Variants in RALYL observed in about 807,000 individuals in gnomAD.
The protein encoded by RALYL is RNA-binding Raly-like protein.
RALYL carries 29 observed loss-of-function variants against 35.1 expected under a neutral mutation model. The ratio of observed to expected loss-of-function variants is 0.83; its 90% CI spans 0.61 to 1.13. The LOEUF (loss-of-function observed/expected upper bound fraction) is 1.13, where lower values mean the gene tolerates loss of function less well. Ranked by LOEUF, RALYL falls within the 50% of genes most tolerant of loss-of-function variation. RALYL has a pLI of 0.00. For synonymous variants in RALYL, 120 were observed against 127.6 expected, an observed-to-expected ratio of 0.94 and a Z score of 0.40; for missense variants, 359 against 360.4, an observed-to-expected ratio of 1.00 and a Z score of 0.03.
intron 1 of RALYL, among the ~76,000 whole-genome samples, chr8:84,487,735 C>T (rs1218474797): frequency 6.6e-6 from 1 of 152,040 alleles, no homozygotes; most frequent in Non-Finnish European, 1.5e-5. Flanking sequence ...ACTATCTGTC[C>T]TCTTATAGAA....
chr8:84,251,026 G>T (rs905504802), intron 1 of RALYL, among the ~76,000 whole-genome samples: 1 of 152,090 alleles, frequency 6.6e-6, no homozygotes, highest in African/African-American at 2.4e-5. Flanking sequence ...AATTCGAAAA[G>T]GAGTAATGGT....
chr8:84,642,172 G>A (rs1334593327), intron 2 of RALYL, among the ~76,000 whole-genome samples: 1 of 151,782 alleles, frequency 6.6e-6, no homozygotes, highest in Non-Finnish European at 1.5e-5. Flanking sequence ...CTTTTACCTT[G>A]GAACTCTAGC....
intron 1 of RALYL, among the ~76,000 whole-genome samples, chr8:84,354,884 G>A (rs902328765): frequency 6.7e-6 from 1 of 150,220 alleles, no homozygotes; most frequent in Admixed American, 6.6e-5. Context: ...TCACAAAATA[G>A]CTCTACCTGG....
chr8:84,708,960 T>G (rs1841689215), intron 2 of RALYL, among the ~76,000 whole-genome samples: 1 of 152,126 alleles, frequency 6.6e-6, no homozygotes, highest in Admixed American at 6.6e-5. Context: ...ATATGTAACA[T>G]TTCATCTTAT....
intron 2 of RALYL, among the ~76,000 whole-genome samples, chr8:84,646,026 T>C (rs1827414863): frequency 6.6e-6 from 1 of 152,028 alleles, no homozygotes; most frequent in Non-Finnish European, 1.5e-5. Flanking sequence ...TCTTTTGTTT[T>C]CTGGAAAGTT....
chr8:84,479,587 G>C (rs1029838372), intron 1 of RALYL, among the ~76,000 whole-genome samples: 2 of 152,060 alleles, frequency 1.3e-5, no homozygotes, highest in Non-Finnish European at 2.9e-5. Flanking sequence ...TTGTTTCTGT[G>C]TCTTTGTTCT....
At chr8:84,689,534 A>T (rs1837570282) in intron 2 of RALYL, among the ~76,000 whole-genome samples, 1 of 152,092 alleles carries the variant, frequency 6.6e-6, no homozygotes, top group African/African-American at 2.4e-5. Context: ...GCCGCAATAA[A>T]CATACGTGTG....
chr8:84,704,981 A>T (rs1379488775), intron 2 of RALYL, among the ~76,000 whole-genome samples: 1 of 152,160 alleles, frequency 6.6e-6, no homozygotes, highest in East Asian at 1.9e-4. Flanking sequence ...TTAATACATA[A>T]CAAGGAAGTC....
chr8:84,407,001 C>CCT (rs151279468), intron 1 of RALYL, among the ~76,000 whole-genome samples: 10,541 of 148,398 alleles, frequency 0.071, 467 homozygotes, highest in African/African-American at 0.12. Flanking sequence ...TCTCTCTCTC[C>CCT]CTCTCTCTCT....
At chr8:84,229,833 C>T (rs1016886600) in intron 1 of RALYL, among the ~76,000 whole-genome samples, 1 of 152,124 alleles carries the variant, frequency 6.6e-6, no homozygotes, top group Non-Finnish European at 1.5e-5. Flanking sequence ...AGTGGCAGAG[C>T]TGAGACTGGA....
intron 2 of RALYL, chr8:84,679,749 T>G (rs906166600): frequency 4.8e-5 from 25 of 522,456 alleles, no homozygotes; most frequent in Admixed American, 2.8e-4. Flanking sequence ...CTAACAGACC[T>G]GATACTTTGG....
intron 1 of RALYL, among the ~76,000 whole-genome samples, chr8:84,381,322 T>C (rs1011655064): frequency 6.6e-6 from 1 of 151,880 alleles, no homozygotes; most frequent in African/African-American, 2.4e-5. Flanking sequence ...CTGTATGAAA[T>C]GTAGTCAGGA....
intron 2 of RALYL, among the ~76,000 whole-genome samples, chr8:84,669,496 C>CTCCCT (rs1163401361): frequency 2.4e-5 from 1 of 42,458 alleles, no homozygotes; most frequent in African/African-American, 1.2e-4. Context: ...CTCCCCCCCC[C>CTCCCT]CCCACTCTAT....
At position 84,469,702 on chromosome 8, in the gene RALYL, G is replaced by A. The variant is rs1587576451; in HGVS notation, c.-23-59597G>A. Among the ~76,000 whole-genome samples, 4 of 152,332 alleles carry A rather than the reference G, an allele frequency of 2.6e-5. No individual in the cohort carries two copies. In the South Asian group the frequency reaches 8.3e-4, roughly 32 times the overall value. On this transcript the variant is annotated intron_variant, in intron 1 of 8. Transcript: ENST00000521268. The stretch of plus-strand genomic sequence containing the variant: ...CTTCCCAGCTGCTTTGTTTACCTAA[G>A]CAAGCCTGGGCAATGGCAGGCGCCC...
intron 3 of RALYL, among the ~76,000 whole-genome samples, chr8:84,793,415 T>C (rs996555847): frequency 2.6e-5 from 4 of 152,216 alleles, no homozygotes; most frequent in African/African-American, 9.6e-5. Context: ...TGTTAACTAA[T>C]AATTCATCAT....
intron 8 of RALYL, among the ~76,000 whole-genome samples, chr8:84,908,678 C>T (rs1846957510): frequency 6.6e-6 from 1 of 152,090 alleles, no homozygotes; most frequent in South Asian, 2.1e-4. Context: ...TGCAGATATC[C>T]TTTCACTATG....
At chr8:84,214,665 A>T (rs1820340824) in intron 1 of RALYL, among the ~76,000 whole-genome samples, 1 of 152,058 alleles carries the variant, frequency 6.6e-6, no homozygotes, top group South Asian at 2.1e-4. Flanking sequence ...ACTGAATTGT[A>T]TATTAACCCT....
intron 3 of RALYL, among the ~76,000 whole-genome samples, chr8:84,779,392 AT>A (rs1007869914): frequency 6.6e-6 from 1 of 152,072 alleles, no homozygotes; most frequent in African/African-American, 2.4e-5. Context: ...ACAACAATGG[AT>A]TTTTTTTCAC....
chr8:84,617,687 G>C (rs888844436), intron 2 of RALYL, among the ~76,000 whole-genome samples: 2 of 150,372 alleles, frequency 1.3e-5, no homozygotes, highest in African/African-American at 5.0e-5. Context: ...CAAAGGGAAT[G>C]CTTCCAGTTT....
Sources: allele counts gnomAD v4.1 joint callset (sites outside exome capture counted in the v4.1 genomes callset), GRCh38; gene constraint gnomAD v4.1.1; transcripts MANE v1.5; gene names NCBI Gene and HGNC (gene_info 2026-07-23, HGNC 2026-07-21).